FAM135A: variants seen among roughly 807,000 people sequenced by gnomAD.
The protein encoded by FAM135A is protein FAM135A.
A neutral mutation model predicts 146.8 loss-of-function variants in FAM135A; 79 were observed. That is an observed-to-expected ratio of 0.54 (90% CI 0.45 to 0.65). The LOEUF is 0.65. Among genes scored for constraint, FAM135A ranks in the 30% least tolerant of loss-of-function variants. The probability of loss-of-function intolerance (pLI) is 0.00; values close to 1 mark genes in which losing one functional copy is unlikely to be tolerated. For missense variants in FAM135A, 1,623 were observed against 1,758.2 expected (o/e 0.92, Z 1.38); for synonymous variants, 562 against 603.6 (o/e 0.93, Z 1.01).
At chr6:70,554,610 A>G (rs1420196539) in intron 20 of FAM135A, among the ~76,000 whole-genome samples, 1 of 151,994 alleles carries the variant, frequency 6.6e-6, no homozygotes, top group Non-Finnish European at 1.5e-5. Context: ...AGGTTCATTT[A>G]TTTGGTTTTG....
At chr6:70,499,401 A>G (rs1788010252) in intron 11 of FAM135A, among the ~76,000 whole-genome samples, 1 of 152,158 alleles carries the variant, frequency 6.6e-6, no homozygotes, top group African/African-American at 2.4e-5. Context: ...GGTCTCTTGA[A>G]TACAGCACAC....
At chr6:70,427,432 TGA>T (rs1770427384) in intron 3 of FAM135A, among the ~76,000 whole-genome samples, 1 of 150,990 alleles carries the variant, frequency 6.6e-6, no homozygotes, top group Non-Finnish European at 1.5e-5. Context: ...CTCAGAAGGC[TGA>T]GGCAGGAGAA....
chr6:70,518,737 T>C (rs1008821415), intron 12 of FAM135A, among the ~76,000 whole-genome samples: 13 of 152,186 alleles, frequency 8.5e-5, no homozygotes, highest in African/African-American at 3.1e-4. Flanking sequence ...TTACAGCACA[T>C]CTGTTTACAG....
intron 20 of FAM135A, among the ~76,000 whole-genome samples, chr6:70,538,779 G>A (rs1272467736): frequency 2.1e-5 from 3 of 145,354 alleles, no homozygotes; most frequent in African/African-American, 5.1e-5. Context: ...AAACTGCCAC[G>A]TTTTTCTACC....
intron 19 of FAM135A, 64 bp from the exon 20 acceptor site, chr6:70,538,227 A>G: frequency 5.2e-6 from 5 of 970,788 alleles, no homozygotes; most frequent in Non-Finnish European, 5.6e-6. Flanking sequence ...ATTAAAATTA[A>G]TAATCTTGGC....
At chr6:70,501,118 G>A (rs999745755) in intron 11 of FAM135A, among the ~76,000 whole-genome samples, 1 of 152,198 alleles carries the variant, frequency 6.6e-6, no homozygotes, top group Non-Finnish European at 1.5e-5. Flanking sequence ...TCCCCGAGGG[G>A]CTCTGTCCCA....
intron 10 of FAM135A, among the ~76,000 whole-genome samples, chr6:70,485,359 T>A (rs1784416651): frequency 6.6e-6 from 1 of 152,150 alleles, no homozygotes; most frequent in Non-Finnish European, 1.5e-5. Context: ...TGAATTTTAG[T>A]TTATTCTTGA....
At chr6:70,558,373 C>T (rs1380502415) in intron 21 of FAM135A, among the ~76,000 whole-genome samples, 1 of 152,198 alleles carries the variant, frequency 6.6e-6, no homozygotes, top group Non-Finnish European at 1.5e-5. Context: ...ACTGTTAGTA[C>T]TCATTTATTA....
chr6:70,497,216 A>T (rs1787485769), intron 11 of FAM135A, among the ~76,000 whole-genome samples: 1 of 152,154 alleles, frequency 6.6e-6, no homozygotes, highest in South Asian at 2.1e-4. Context: ...GGTCCTTCAC[A>T]TCCCTTGCAA....
chr6:70,470,876 G>A (rs1562478588), intron 5 of FAM135A, among the ~76,000 whole-genome samples: 1 of 152,194 alleles, frequency 6.6e-6, no homozygotes, highest in Non-Finnish European at 1.5e-5. Flanking sequence ...TTGTCTAGGT[G>A]CATCTGCAGG....
intron 10 of FAM135A, among the ~76,000 whole-genome samples, chr6:70,488,960 G>C (rs1008194296): frequency 1.3e-5 from 2 of 152,206 alleles, no homozygotes; most frequent in Admixed American, 6.5e-5. Context: ...TCAGTTCTAA[G>C]ATTTTAGAGT....
At chr6:70,434,334 T>A (rs1042324018) in intron 4 of FAM135A, among the ~76,000 whole-genome samples, 1 of 152,238 alleles carries the variant, frequency 6.6e-6, no homozygotes, top group Non-Finnish European at 1.5e-5. Flanking sequence ...GGGAAATTTT[T>A]CTTTGTTTGG....
At position 70,524,765 on chromosome 6, in the gene FAM135A, C is replaced by G. The variant is rs1201838187; in HGVS notation, c.1681C>G (p.Pro561Ala). ...CACAATATGTGGATATAATTTTGAC[C>G]CAAAGACCTACATGAGACAGACAAG... Reference protein sequence around the residue: ...DPTICGYNFDPKTYMRQTSQK... With the variant: ...DPTICGYNFDAKTYMRQTSQK... Residue 561 changes from proline to alanine, a missense_variant, in exon 15 of 22, where the codon CCA becomes GCA. Pro to Ala is a conservative substitution (Grantham distance 27). Coordinates refer to ENST00000418814, the MANE Select transcript of FAM135A (RefSeq NM_001162529.3). 3.9e-6 allele frequency: 6 copies of G among 1,549,322 alleles called. No individual in the cohort carries two copies. The highest frequency in any genetic ancestry group is 1.7e-4 in the Middle Eastern group (1 of 5,982).
intron 4 of FAM135A, among the ~76,000 whole-genome samples, chr6:70,435,982 G>A (rs1270071633): frequency 2.6e-5 from 4 of 152,020 alleles, no homozygotes; most frequent in African/African-American, 7.2e-5. Flanking sequence ...TCAGGAGTTC[G>A]AGACCAACCT....
chr6:70,471,202 C>A (rs2128137036), intron 5 of FAM135A, among the ~76,000 whole-genome samples: 1 of 152,160 alleles, frequency 6.6e-6, no homozygotes, highest in Middle Eastern at 3.4e-3. Flanking sequence ...TGGGATTTAT[C>A]CAGGTCAATA....
At chr6:70,506,167 A>T (rs1454277258) in intron 12 of FAM135A, among the ~76,000 whole-genome samples, 2 of 152,206 alleles carry the variant, frequency 1.3e-5, no homozygotes, top group African/African-American at 4.8e-5. Flanking sequence ...AATTAAAGTG[A>T]TGTTGATAAG....
intron 12 of FAM135A, among the ~76,000 whole-genome samples, chr6:70,519,073 T>C (rs1792945996): frequency 6.6e-6 from 1 of 152,206 alleles, no homozygotes; most frequent in South Asian, 2.1e-4. Context: ...GTAGATGCCA[T>C]TAAGAACATT....
chr6:70,539,722 G>C (rs1401455265), intron 20 of FAM135A, among the ~76,000 whole-genome samples: 2 of 152,182 alleles, frequency 1.3e-5, no homozygotes, highest in African/African-American at 2.4e-5. Context: ...ACGGCCGGGC[G>C]TGGTGGCTCA....
At chr6:70,491,338 A>G (rs189814268) in intron 11 of FAM135A, among the ~76,000 whole-genome samples, 2 of 152,088 alleles carry the variant, frequency 1.3e-5, no homozygotes, top group Admixed American at 1.3e-4. Context: ...ATCAAACAGT[A>G]CATTTTCTTC....
Sources: allele counts gnomAD v4.1 joint callset (sites outside exome capture counted in the v4.1 genomes callset), GRCh38; gene constraint gnomAD v4.1.1; transcripts MANE v1.5; gene names NCBI Gene and HGNC (gene_info 2026-07-23, HGNC 2026-07-21).